DPP8: variants seen among roughly 807,000 people sequenced by gnomAD.
The protein encoded by DPP8 is dipeptidyl peptidase 8, also known as DPP VIII.
DPP8 carries 31 observed loss-of-function variants against 107.5 expected under a neutral mutation model. That is an observed-to-expected ratio of 0.29 (90% confidence interval 0.22 to 0.39). DPP8 has a LOEUF of 0.39. Ranked by LOEUF, DPP8 falls within the 10% of genes least tolerant of loss-of-function variation. The pLI is 1.00. For synonymous variants in DPP8, 381 were observed against 356.6 expected (o/e 1.07, Z -0.77); for missense variants, 842 against 1,076.1 (o/e 0.78, Z 3.04).
chr15:65,478,758 A>G, intron 11 of DPP8, 122 bp downstream of exon 11: 1 of 652,742 alleles, frequency 1.5e-6, no homozygotes, highest in East Asian at 3.1e-5. Flanking sequence ...TTTAACTTAC[A>G]TATTAAGTTT....
intron 2 of DPP8, chr15:65,512,024 G>A (rs2070849543): frequency 1.7e-6 from 1 of 582,360 alleles, no homozygotes. Context: ...TCTAAAGAAA[G>A]GCATTTCAAG....
At chr15:65,472,440 C>T (rs538826587) in intron 12 of DPP8, among the ~76,000 whole-genome samples, 6 of 151,822 alleles carry the variant, frequency 4.0e-5, no homozygotes, top group African/African-American at 1.5e-4. Context: ...ACTACAGGTG[C>T]GCATCACCAT....
At chr15:65,491,271 A>G (rs1331171834) in intron 5 of DPP8, among the ~76,000 whole-genome samples, 1 of 152,202 alleles carries the variant, frequency 6.6e-6, no homozygotes, top group Non-Finnish European at 1.5e-5. Context: ...TTCCATTTAT[A>G]AAAATGCATT....
chr15:65,495,194 G>A (rs1198230508), intron 5 of DPP8, among the ~76,000 whole-genome samples: 1 of 152,080 alleles, frequency 6.6e-6, no homozygotes, highest in African/African-American at 2.4e-5. Flanking sequence ...CCTTTCTCAC[G>A]TAGTCCCCTT....
intron 10 of DPP8, among the ~76,000 whole-genome samples, chr15:65,479,915 G>T (rs890931755): frequency 1.5e-5 from 2 of 136,572 alleles, no homozygotes; most frequent in Non-Finnish European, 3.2e-5. Flanking sequence ...ACATAAAAGA[G>T]AAAGTCTTTT....
At chr15:65,481,067 A>G (rs352459) in intron 9 of DPP8, among the ~76,000 whole-genome samples, 18,046 of 149,828 alleles carry the variant, frequency 0.12, 1,853 homozygotes, top group African/African-American at 0.29. Flanking sequence ...CTAGGTGACA[A>G]AGCGAGACCA....
chr15:65,460,046 C>A (rs2064780628), intron 15 of DPP8, among the ~76,000 whole-genome samples: 1 of 152,092 alleles, frequency 6.6e-6, no homozygotes, highest in African/African-American at 2.4e-5. Flanking sequence ...CCATTTTAAG[C>A]ATACAATTCA....
chr15:65,512,193 C>T, intron 2 of DPP8, 102 bp downstream of exon 2: 1 of 1,180,818 alleles, frequency 8.5e-7, no homozygotes, highest in Non-Finnish European at 1.2e-6. Context: ...CCAAAAGTCA[C>T]TGATTAATTT....
At chr15:65,510,569 C>T (rs969089163) in intron 2 of DPP8, among the ~76,000 whole-genome samples, 1 of 151,708 alleles carries the variant, frequency 6.6e-6, no homozygotes, top group South Asian at 2.1e-4. Context: ...GACGAAGTCT[C>T]GCTCTGTCAT....
At chr15:65,461,681 C>T (rs2064938002) in intron 15 of DPP8, among the ~76,000 whole-genome samples, 1 of 151,674 alleles carries the variant, frequency 6.6e-6, no homozygotes, top group South Asian at 2.1e-4. Context: ...TGGCTCACTG[C>T]AACCCTCCAG....
intron 3 of DPP8, among the ~76,000 whole-genome samples, chr15:65,503,120 T>A (rs553842557): frequency 5.9e-5 from 9 of 152,278 alleles, no homozygotes; most frequent in South Asian, 2.1e-4. Flanking sequence ...TATTATTATT[T>A]TTTTTGAGAT....
chr15:65,475,713 G>A lies in DPP8; in HGVS notation c.1457-1425C>T, dbSNP rs1595950877. On this transcript the variant is annotated intron_variant, in intron 11 of 19. Transcript: ENST00000300141. The stretch of plus-strand genomic sequence containing the variant: ...CTTCATTTGCCAAAAAATAACCCAG[G>A]TAAGTGTTTACCATAGCAAATGTCA... The A allele has an allele frequency of 7.6e-6, 4 of 527,402 alleles. No individual in the cohort carries two copies. The East Asian group carries it at 1.7e-4, about 22-fold the overall frequency. 32.7% of individuals were successfully genotyped at this position (527,402 alleles called of 1,614,324 possible).
chr15:65,470,891 C>T (rs1207022089), intron 12 of DPP8, among the ~76,000 whole-genome samples: 1 of 147,438 alleles, frequency 6.8e-6, no homozygotes, highest in Admixed American at 6.7e-5. Flanking sequence ...TGTACTCCAA[C>T]CTGGGTGACA....
intron 5 of DPP8, 132 bp from the exon 6 acceptor site, chr15:65,490,431 A>C (rs919520282): frequency 4.5e-6 from 3 of 669,702 alleles, no homozygotes; most frequent in African/African-American, 1.8e-5. Context: ...GACTGAGTTC[A>C]AATCTGGGGT....
Position 65,466,791 on chromosome 15 carries a change from T to C in DPP8, c.1712A>G (p.Lys571Arg), listed in dbSNP as rs1269578813. 3 of 1,613,678 alleles carry C rather than the reference T, an allele frequency of 1.9e-6. No homozygotes were observed. The highest frequency in any genetic ancestry group is 1.1e-5 in the South Asian group (1 of 91,006). Residue 571 changes from lysine to arginine, a missense_variant, in exon 14 of 20, where the codon AAG (lysine) becomes AGG (arginine). Physicochemically the swap from Lys to Arg is conservative, Grantham distance 26 (BLOSUM62 2). Transcript: ENST00000300141. ...GTGTGGATTCTTCTGGTTACTATAC[T>C]TACTTATAAAGAAGTCACAGTGCTA... is the stretch of plus-strand genomic sequence containing the variant. ...ISQHCDFFIS[K>R]YSNQKNPHCV...
At chr15:65,477,270 C>T (rs1248805884) in intron 11 of DPP8, among the ~76,000 whole-genome samples, 1 of 151,940 alleles carries the variant, frequency 6.6e-6, no homozygotes, top group Non-Finnish European at 1.5e-5. Context: ...TGGTGCATGC[C>T]TATAATTCCA....
At chr15:65,496,382 A>G (rs1409324725) in intron 5 of DPP8, among the ~76,000 whole-genome samples, 1 of 152,204 alleles carries the variant, frequency 6.6e-6, no homozygotes, top group Non-Finnish European at 1.5e-5. Context: ...AGCAAAAGTT[A>G]GACAAAAGAA....
chr15:65,494,149 C>CATTTTTT (rs1555465881), intron 5 of DPP8, among the ~76,000 whole-genome samples: 1 of 123,296 alleles, frequency 8.1e-6, no homozygotes. Context: ...GTTCTATATC[C>CATTTTTT]TTTTTTTTTT....
chr15:65,507,297 G>A lies in DPP8; in HGVS notation c.318C>T (p.Ile106=), dbSNP rs145106020. Residue 106 remains isoleucine (I), a synonymous_variant, in exon 3 of 20, where the codon ATC becomes ATT. Transcript: ENST00000300141. ...TLFYSEIPKT[I]NRAAVLMLSW... ...AGAGCATTAAGACTGCTGCTCTATT[G>A]ATAGTTTTGGGAATTTCAGAATAAA... The A allele has an allele frequency of 1.5e-4, 242 of 1,612,862 alleles. No homozygotes were observed. The African/African-American group carries it at 3.0e-3, about 20-fold the overall frequency.
Sources: allele counts gnomAD v4.1 joint callset (sites outside exome capture counted in the v4.1 genomes callset), GRCh38; gene constraint gnomAD v4.1.1; transcripts MANE v1.5; gene names NCBI Gene and HGNC (gene_info 2026-07-23, HGNC 2026-07-21).